Variants in FBXO28 observed in about 807,000 individuals in gnomAD.
FBXO28 encodes F-box protein 28.
Under a neutral mutation model 38.1 loss-of-function variants are expected in FBXO28, and 8 were observed. The ratio of observed to expected loss-of-function variants is 0.21; its 90% CI spans 0.12 to 0.38. The LOEUF is 0.38. Among genes scored for constraint, FBXO28 ranks in the 10% least tolerant of loss-of-function variants. FBXO28 has a pLI of 1.00. For synonymous variants in FBXO28, 168 were observed against 173.8 expected (o/e 0.97, Z 0.26); for missense variants, 345 against 460.6 (o/e 0.75, Z 2.30).
In FBXO28 at chr1:224,122,712, TC is replaced by T. The variant is rs576143203; in HGVS notation, c.268-7758del. Among the ~76,000 whole-genome samples, 17 of 152,314 alleles carry T rather than the reference TC, an allele frequency of 1.1e-4. No homozygotes were observed. In the East Asian group the frequency reaches 3.1e-3, roughly 28 times the overall value. ...TGTAATTCACATTTGTCTAATTTTT[TC>T]CTTGTGATTGACTTCAGGATTTTGA... On this transcript the variant is annotated intron_variant, in intron 1 of 4. Transcript: ENST00000366862.
chr1:224,115,933 G>C (rs910528467), intron 1 of FBXO28, among the ~76,000 whole-genome samples: 1 of 152,086 alleles, frequency 6.6e-6, no homozygotes, highest in Non-Finnish European at 1.5e-5. Flanking sequence ...GTGGGGAGGG[G>C]GGAACCAGCC....
intron 3 of FBXO28, among the ~76,000 whole-genome samples, chr1:224,148,024 A>G (rs538639360): frequency 6.6e-6 from 1 of 152,290 alleles, no homozygotes; most frequent in Non-Finnish European, 1.5e-5. Flanking sequence ...GACAAAGAAA[A>G]GAAACTATTT....
intron 3 of FBXO28, among the ~76,000 whole-genome samples, chr1:224,136,979 T>C (rs1271258965): frequency 6.6e-6 from 1 of 151,326 alleles, no homozygotes; most frequent in Non-Finnish European, 1.5e-5. Context: ...CTCAAACTCC[T>C]GATCTCAAGT....
rs367958587 is a variant in FBXO28, at chr1:224,157,784, T to A, written c.*38T>A. 4.1e-5 allele frequency: 64 copies of A among 1,556,074 alleles called. No individual in the cohort carries two copies. Among genetic ancestry groups the A allele is most frequent in the Non-Finnish European group, 4.6e-5 (53 of 1,155,814 alleles). ...TTCTAGTTCCAGAGGAAGACACAGC[T>A]TAGTAGCTTAAGCAGTTATGCATAT... On this transcript the variant is annotated 3_prime_UTR_variant, in exon 5 of 5. Coordinates refer to ENST00000366862, the MANE Select transcript of FBXO28 (RefSeq NM_015176.4).
At chr1:224,124,530 C>T (rs1198389627) in intron 1 of FBXO28, among the ~76,000 whole-genome samples, 1 of 151,996 alleles carries the variant, frequency 6.6e-6, no homozygotes, top group African/African-American at 2.4e-5. Flanking sequence ...AAATTTCTTC[C>T]CTTTAGCTTT....
At chr1:224,144,493 C>T (rs1478386842) in intron 3 of FBXO28, among the ~76,000 whole-genome samples, 1 of 151,576 alleles carries the variant, frequency 6.6e-6, no homozygotes, top group East Asian at 1.9e-4. Flanking sequence ...GGTGCAGTGA[C>T]TCACACCTAT....
At chr1:224,126,090 A>G (rs1410248265) in intron 1 of FBXO28, among the ~76,000 whole-genome samples, 1 of 152,200 alleles carries the variant, frequency 6.6e-6, no homozygotes, top group Non-Finnish European at 1.5e-5. Flanking sequence ...ACACCATTAC[A>G]TCTAACTTAG....
intron 1 of FBXO28, among the ~76,000 whole-genome samples, chr1:224,117,616 CAG>C (rs1367239364): frequency 1.3e-5 from 2 of 152,060 alleles, no homozygotes; most frequent in Non-Finnish European, 2.9e-5. Flanking sequence ...TCCAGTAAAA[CAG>C]AGAAATTTGT....
chr1:224,118,809 TAA>T (rs1656704138), intron 1 of FBXO28, among the ~76,000 whole-genome samples: 2 of 152,230 alleles, frequency 1.3e-5, no homozygotes, highest in African/African-American at 4.8e-5. Flanking sequence ...TTTACACTTT[TAA>T]AAGTTATTGA....
rs552383778 is a variant in FBXO28, at chr1:224,133,968, T to C, written c.378-106T>C. On this transcript the variant is annotated intron_variant, in intron 2 of 4. Transcript: ENST00000366862. ...TATGACCCAACTGTAGATTTCTAAATTAACATGTAAAAGACTGTTTCATTA... is the reference window on the plus strand; with the variant it reads ...TATGACCCAACTGTAGATTTCTAAACTAACATGTAAAAGACTGTTTCATTA... 4.5e-4 allele frequency: 340 copies of C among 757,964 alleles called. 3 individuals carry two copies. The South Asian group carries it at 9.8e-3, about 22-fold the overall frequency. The allele number at this position is 757,964 out of a possible 1,614,324, so 47.0% of individuals were successfully genotyped here.
chr1:224,117,674 G>A (rs1263675918), intron 1 of FBXO28, among the ~76,000 whole-genome samples: 2 of 152,144 alleles, frequency 1.3e-5, no homozygotes. Flanking sequence ...TGGCAGGTGG[G>A]TGAGAGACTC....
intron 3 of FBXO28, among the ~76,000 whole-genome samples, chr1:224,137,617 A>G (rs1260326768): frequency 6.6e-6 from 1 of 151,886 alleles, no homozygotes; most frequent in Admixed American, 6.6e-5. Flanking sequence ...TGAAAGCTAT[A>G]AAGTAGAGAA....
chr1:224,121,987 G>T (rs2102610585), intron 1 of FBXO28, among the ~76,000 whole-genome samples: 1 of 152,204 alleles, frequency 6.6e-6, no homozygotes, highest in South Asian at 2.1e-4. Context: ...TCTTGGCCAG[G>T]CTGGTCTTGA....
At chr1:224,127,949 T>TA (rs1656944769) in intron 1 of FBXO28, among the ~76,000 whole-genome samples, 1 of 152,212 alleles carries the variant, frequency 6.6e-6, no homozygotes, top group African/African-American at 2.4e-5. Flanking sequence ...ACTTCGTACT[T>TA]AAAGTTTATT....
At chr1:224,144,555 C>T (rs545393231) in intron 3 of FBXO28, among the ~76,000 whole-genome samples, 5 of 151,212 alleles carry the variant, frequency 3.3e-5, no homozygotes, top group East Asian at 3.9e-4. Context: ...GTCAAGAGAT[C>T]GGGACCATCC....
At chr1:224,145,646 G>GGCCTGGTAGCTCAT (rs1558194818) in intron 3 of FBXO28, among the ~76,000 whole-genome samples, 1 of 152,176 alleles carries the variant, frequency 6.6e-6, no homozygotes. Context: ...ATTGAGGCCA[G>GGCCTGGTAGCTCAT]GCCTGGTAGC....
chr1:224,140,439 C>T (rs1028245872), intron 3 of FBXO28, among the ~76,000 whole-genome samples: 5 of 152,066 alleles, frequency 3.3e-5, no homozygotes, highest in African/African-American at 9.7e-5. Context: ...TTTTGAAGAA[C>T]GTAGGTCAGT....
chr1:224,115,237 A>C (rs919212582), intron 1 of FBXO28, among the ~76,000 whole-genome samples: 1 of 152,202 alleles, frequency 6.6e-6, no homozygotes, highest in Admixed American at 6.5e-5. Context: ...CAGAGGTTTG[A>C]AGATGTGGTG....
rs189250147 is a variant in FBXO28, at chr1:224,157,365, T to G, written c.726T>G (p.Ser242=). The change falls in exon 5 of 5, where the codon TCT becomes TCG. Residue 242 remains serine, a synonymous_variant. Coordinates refer to ENST00000366862, the MANE Select transcript of FBXO28 (RefSeq NM_015176.4). ...ATTCCTCCACAGTTCCAGGACCGTC[T>G]GCAGCCCTAACAACAATGCAGCTCT... ...LMGSPPVPGP[S]AALTTMQLFS... is the part of the protein sequence containing the mutation. 1 of 1,609,268 alleles carries G rather than the reference T, an allele frequency of 6.2e-7. No individual in the cohort carries two copies. The highest frequency in any genetic ancestry group is 1.3e-5 in the African/African-American group (1 of 74,680).
Sources: gnomAD v4.1 joint callset for allele counts (sites outside exome capture counted in the v4.1 genomes callset) on GRCh38, gnomAD v4.1.1 for gene constraint, MANE v1.5 for transcripts, NCBI Gene and HGNC (gene_info 2026-07-23, HGNC 2026-07-21) for gene names.